Variants in SPATA6 observed in about 807,000 individuals in gnomAD.
SPATA6 encodes the protein spermatogenesis associated 6.
Under a neutral mutation model 65.3 loss-of-function variants are expected in SPATA6, and 56 were observed. The observed-to-expected ratio is 0.86, with a 90% confidence interval of 0.69 to 1.07. The LOEUF is 1.07. SPATA6 is among the 50% of genes least tolerant of loss of function. The pLI, the probability that SPATA6 is intolerant of heterozygous loss-of-function variation, is 0.00. For synonymous variants in SPATA6, 199 were observed against 213.2 expected, an observed-to-expected ratio of 0.93 and a Z score of 0.58; for missense variants, 590 against 594.8, an observed-to-expected ratio of 0.99 and a Z score of 0.08.
intron 9 of SPATA6, among the ~76,000 whole-genome samples, chr1:48,366,580 C>T (rs184927184): frequency 2.9e-4 from 44 of 152,200 alleles, no homozygotes; most frequent in South Asian, 1.7e-3. Flanking sequence ...AGTTTATTTG[C>T]GTAGAGGTGT....
downstream of SPATA6, among the ~76,000 whole-genome samples, chr1:48,292,683 C>T (rs1476150522): frequency 6.6e-6 from 1 of 152,242 alleles, no homozygotes; most frequent in Non-Finnish European, 1.5e-5. Flanking sequence ...GGCATATGTA[C>T]AGTGGTGAGA....
intron 1 of SPATA6, among the ~76,000 whole-genome samples, chr1:48,460,822 C>A (rs1000355776): frequency 1.3e-5 from 2 of 148,350 alleles, no homozygotes; most frequent in Non-Finnish European, 3.0e-5. Flanking sequence ...GTTAAAAATC[C>A]CAGAACAGGA....
intron 9 of SPATA6, among the ~76,000 whole-genome samples, chr1:48,369,433 T>G (rs1647156755): frequency 6.6e-6 from 1 of 152,236 alleles, no homozygotes; most frequent in Non-Finnish European, 1.5e-5. Context: ...CTCCACCCAG[T>G]TCGAGCTTCC....
At chr1:48,317,828 A>C (rs559177016) in intron 11 of SPATA6, among the ~76,000 whole-genome samples, 2 of 152,234 alleles carry the variant, frequency 1.3e-5, no homozygotes, top group African/African-American at 4.8e-5. Context: ...TAAGGTCTTT[A>C]TTCCTTTGAT....
intron 11 of SPATA6, among the ~76,000 whole-genome samples, chr1:48,306,610 C>A (rs1645068483): frequency 6.6e-6 from 1 of 151,714 alleles, no homozygotes; most frequent in Non-Finnish European, 1.5e-5. Flanking sequence ...CTTAGTCAAA[C>A]AAGAAGAGAA....
At position 48,395,292 on chromosome 1, in the gene SPATA6, T is replaced by C; in HGVS notation, c.843A>G (p.Arg281=). Residue 281 remains arginine, a synonymous_variant, in exon 8 of 13, where the codon AGA becomes AGG. Transcript: ENST00000371847. ...LLGSSGRDCE[R]DGWSRVHNDH... Reference sequence around the variant, plus strand: ...CATTGTGCACCCTTGACCATCCATCTCTTTCACAGTCTCTTCCAGAAGATC... The same window carrying C: ...CATTGTGCACCCTTGACCATCCATCCCTTTCACAGTCTCTTCCAGAAGATC... 1 of 1,566,850 alleles carries C rather than the reference T, an allele frequency of 6.4e-7. No individual in the cohort carries two copies. Among genetic ancestry groups the C allele is most frequent in the Non-Finnish European group, 8.7e-7 (1 of 1,153,694 alleles).
rs1269680862 is a variant in SPATA6, at chr1:48,304,379, C to T, written c.1286+1408G>A. On this transcript the variant is annotated intron_variant, in intron 12 of 12. Coordinates refer to ENST00000371847, the MANE Select transcript of SPATA6 (RefSeq NM_019073.4). ...GGGTGATCAAAAGCTTAATCAATAA[C>T]ACTGCTTGGTAGCTGAAAAAAGAAC... 2.6e-5 allele frequency among the ~76,000 whole-genome samples: 4 copies of T among 152,296 alleles called. No individual in the cohort carries two copies. The East Asian group carries it at 7.7e-4, about 29-fold the overall frequency.
chr1:48,420,096 G>C (rs929569465), intron 3 of SPATA6, among the ~76,000 whole-genome samples: 3 of 152,088 alleles, frequency 2.0e-5, no homozygotes, highest in Non-Finnish European at 4.4e-5. Flanking sequence ...GGAGTGGAGG[G>C]TCAAGTTGAT....
the SPATA6 span, among the ~76,000 whole-genome samples, chr1:48,278,512 G>A: frequency 6.6e-6 from 1 of 152,184 alleles, no homozygotes; most frequent in East Asian, 1.9e-4. Context: ...TGAAAGCCAA[G>A]GCTCGAGAAC....
At chr1:48,325,485 T>C (rs1054621728) in intron 11 of SPATA6, 263 of 1,199,774 alleles carry the variant, frequency 2.2e-4, no homozygotes, top group Middle Eastern at 3.9e-4. Flanking sequence ...GGGATCCACA[T>C]TCTCTGAGTT....
chr1:48,279,757 A>G, the SPATA6 span, among the ~76,000 whole-genome samples: 1 of 152,198 alleles, frequency 6.6e-6, no homozygotes, highest in Non-Finnish European at 1.5e-5. Flanking sequence ...TCCCCTGTCA[A>G]CATTAGACAG....
chr1:48,390,292 A>G (rs568730431), intron 8 of SPATA6, among the ~76,000 whole-genome samples: 8 of 152,328 alleles, frequency 5.3e-5, no homozygotes, highest in African/African-American at 1.9e-4. Context: ...CTGGGGGGTC[A>G]TTATTTTAAG....
At chr1:48,307,624 G>T (rs892919209) in intron 11 of SPATA6, among the ~76,000 whole-genome samples, 2 of 151,344 alleles carry the variant, frequency 1.3e-5, no homozygotes, top group Non-Finnish European at 3.0e-5. Flanking sequence ...GTAATATAAT[G>T]TGACATATCT....
At chr1:48,368,012 A>G (rs1647087114) in intron 9 of SPATA6, among the ~76,000 whole-genome samples, 1 of 152,040 alleles carries the variant, frequency 6.6e-6, no homozygotes, top group African/African-American at 2.4e-5. Context: ...ATCTCTCAGC[A>G]TTTGCTTGTC....
chr1:48,339,801 T>A (rs376546892), intron 11 of SPATA6, among the ~76,000 whole-genome samples: 1 of 151,858 alleles, frequency 6.6e-6, no homozygotes, highest in South Asian at 2.1e-4. Flanking sequence ...ATAGAGGTAA[T>A]TGAACACCCG....
At chr1:48,377,067 C>A (rs1648003917) in intron 9 of SPATA6, among the ~76,000 whole-genome samples, 1 of 152,092 alleles carries the variant, frequency 6.6e-6, no homozygotes, top group African/African-American at 2.4e-5. Context: ...ACGGCTATCA[C>A]CCTCCATTAC....
At chr1:48,286,901 T>A in the SPATA6 span, among the ~76,000 whole-genome samples, 2 of 151,920 alleles carry the variant, frequency 1.3e-5, no homozygotes, top group Non-Finnish European at 2.9e-5. Flanking sequence ...TATCTGGGTG[T>A]GGTGGCGGGC....
the SPATA6 span, among the ~76,000 whole-genome samples, chr1:48,268,323 T>C: frequency 6.6e-6 from 1 of 151,620 alleles, no homozygotes; most frequent in African/African-American, 2.4e-5. Context: ...TGTGTGTGTG[T>C]GTGTGTGTGT....
chr1:48,337,801 A>G (rs1646101134), intron 11 of SPATA6, among the ~76,000 whole-genome samples: 1 of 151,998 alleles, frequency 6.6e-6, no homozygotes. Flanking sequence ...CTATGAAATG[A>G]AAACTATGTC....
Sources: allele counts gnomAD v4.1 joint callset (sites outside exome capture counted in the v4.1 genomes callset), GRCh38; gene constraint gnomAD v4.1.1; transcripts MANE v1.5; gene names NCBI Gene and HGNC (gene_info 2026-07-23, HGNC 2026-07-21).